Variants in MEDAG observed in about 807,000 individuals in gnomAD.
MEDAG encodes mesenteric estrogen dependent adipogenesis, also known as mesenteric estrogen-dependent adipogenesis protein.
A neutral mutation model predicts 29.9 loss-of-function variants in MEDAG; 25 were observed. The observed-to-expected ratio is 0.84, with a 90% CI of 0.61 to 1.17. The LOEUF is 1.17. Ranked by LOEUF, MEDAG falls within the 50% of genes most tolerant of loss-of-function variation. The pLI is 0.00. For missense variants in MEDAG, 398 were observed against 372.9 expected, an observed-to-expected ratio of 1.07 and a Z score of -0.56; for synonymous variants, 158 against 148.2, an observed-to-expected ratio of 1.07 and a Z score of -0.48.
At chr13:30,922,144 TG>T (rs1952994137) in intron 4 of MEDAG, 1 of 214,648 alleles carries the variant, frequency 4.7e-6, no homozygotes, top group African/African-American at 2.3e-5. Context: ...TAAATATTAT[TG>T]GCAATCATAT....
rs759414279 is a variant in MEDAG, at chr13:30,921,562, T to A, written c.503T>A (p.Phe168Tyr). The change falls in exon 4 of 5, where the codon TTT (phenylalanine) becomes TAT (tyrosine). Residue 168 changes from phenylalanine to tyrosine, a missense_variant and splice_region_variant. By Grantham distance (22) the Phe-to-Tyr change is conservative. Transcript: ENST00000380482. ...SVIGESYRLQ[F>Y]DFQEAVKNFF... is the part of the protein sequence containing the mutation. ...ATGCAATGTTCCTCTCTCTTTCAGT[T>A]TGATTTTCAAGAGGCAGTGAAGAAT... 7 of 1,601,176 alleles carry A rather than the reference T, an allele frequency of 4.4e-6. No individual in the cohort carries two copies. Among genetic ancestry groups the A allele is most frequent in the African/African-American group, 1.4e-5 (1 of 74,064 alleles).
intron 1 of MEDAG, among the ~76,000 whole-genome samples, chr13:30,910,444 T>C (rs557319702): frequency 6.6e-6 from 1 of 152,362 alleles, no homozygotes; most frequent in African/African-American, 2.4e-5. Context: ...TACTGTTGTT[T>C]CTCCTTTTTA....
At chr13:30,917,267 T>A in intron 1 of MEDAG, 136 bp from the exon 2 acceptor site, 1 of 674,260 alleles carries the variant, frequency 1.5e-6, no homozygotes, top group Non-Finnish European at 2.7e-6. Context: ...GTTTATATGG[T>A]GACCTCTGTA....
chr13:30,921,134 T>C lies in MEDAG; in HGVS notation c.501+8T>C. 1.0e-5 allele frequency: 16 copies of C among 1,606,732 alleles called. No individual in the cohort carries two copies. The highest frequency in any genetic ancestry group is 4.5e-5 in the East Asian group (2 of 44,842). On this transcript the variant is annotated splice_region_variant and intron_variant, in intron 3 of 4. Transcript: ENST00000380482. The stretch of plus-strand genomic sequence containing the variant: ...GAAAGTTACCGGCTTCAGGTAAGCC[T>C]AGCCTGTCTGAATCCAGGGCTGTCA...
In MEDAG at chr13:30,917,603, C is replaced by T. The variant is rs186294247; in HGVS notation, c.388+91C>T. The T allele has an allele frequency of 1.1e-3, 828 of 732,612 alleles. 1 individual carries two copies. The highest frequency in any genetic ancestry group is 1.8e-3 in the South Asian group (105 of 59,054). The allele number at this position is 732,612 out of a possible 1,614,324, so 45.4% of individuals were successfully genotyped here. A position where few individuals can be genotyped will look rare whatever the true frequency, so the allele number is the denominator to read the frequency against. On this transcript the variant is annotated intron_variant, in intron 2 of 4. Coordinates refer to ENST00000380482, the MANE Select transcript of MEDAG (RefSeq NM_032849.4). ...AAAGAAAAGAGGTTTAATTGGCTCA[C>T]GGTTCTGCAGGCTATACAGGCTTCT...
In MEDAG at chr13:30,924,353, C is replaced by T. The variant is rs992261307; in HGVS notation, c.830C>T (p.Ser277Leu). The T allele has an allele frequency of 6.2e-7, 1 of 1,613,964 alleles. No homozygotes were observed. The highest frequency in any genetic ancestry group is 1.3e-5 in the African/African-American group (1 of 75,024). ...DVFNCNLSPR[S>L]SLTEPLLAEL... ...TTTAACTGCAATCTGTCACCCAGAT[C>T]ATCTCTGACAGAGCCTCTTTTGGCA... Residue 277 changes from serine to leucine, a missense_variant, in exon 5 of 5, where the codon TCA (serine) becomes TTA (leucine). Transcript: ENST00000380482.
At chr13:30,910,113 G>GCAC (rs1170983167) in intron 1 of MEDAG, among the ~76,000 whole-genome samples, 1 of 152,014 alleles carries the variant, frequency 6.6e-6, no homozygotes, top group Non-Finnish European at 1.5e-5. Context: ...CAGGACACGA[G>GCAC]ATGTGGGTAA....
At chr13:30,913,355 A>G (rs529593884) in intron 1 of MEDAG, among the ~76,000 whole-genome samples, 2 of 152,262 alleles carry the variant, frequency 1.3e-5, no homozygotes, top group South Asian at 4.1e-4. Flanking sequence ...TGCTAGGAGT[A>G]TAGGCATGCA....
At position 30,924,458 on chromosome 13, in the gene MEDAG, T is replaced by G; in HGVS notation, c.*23T>G. 6.2e-7 allele frequency: 1 copy of G among 1,612,256 alleles called. No individual in the cohort carries two copies. The highest frequency in any genetic ancestry group is 8.5e-7 in the Non-Finnish European group (1 of 1,179,080). ...TGATTGAACTGAACATTGTAGCAGT[T>G]GCTCCCGCACTCCAGGCCTGTGCTA... On this transcript the variant is annotated 3_prime_UTR_variant, in exon 5 of 5. Transcript: ENST00000380482.
chr13:30,915,168 C>A (rs750705832), intron 1 of MEDAG, among the ~76,000 whole-genome samples: 2 of 152,234 alleles, frequency 1.3e-5, no homozygotes, highest in East Asian at 1.9e-4. Flanking sequence ...ATCCTCACCC[C>A]CCACGTAACA....
intron 3 of MEDAG, 125 bp from the exon 4 acceptor site, chr13:30,921,436 T>C (rs997761776): frequency 1.9e-5 from 17 of 913,410 alleles, no homozygotes; most frequent in Admixed American, 3.0e-5. Flanking sequence ...AGTTTAAAAA[T>C]ATGTGTGAGA....
intron 2 of MEDAG, among the ~76,000 whole-genome samples, chr13:30,920,286 GT>G (rs1325252784): frequency 6.6e-6 from 1 of 152,164 alleles, no homozygotes; most frequent in African/African-American, 2.4e-5. Flanking sequence ...TAAGAGCCAA[GT>G]TGTGATTTGA....
chr13:30,914,649 C>T (rs1202064074), intron 1 of MEDAG, among the ~76,000 whole-genome samples: 1 of 152,186 alleles, frequency 6.6e-6, no homozygotes, highest in African/African-American at 2.4e-5. Flanking sequence ...TGCCAAATAC[C>T]TGCTCTTTGA....
At chr13:30,906,892 G>A in intron 1 of MEDAG, 99 bp downstream of exon 1, 1 of 1,232,964 alleles carries the variant, frequency 8.1e-7, no homozygotes, top group Non-Finnish European at 1.1e-6. Flanking sequence ...CTCGCTGCCT[G>A]CGACACCGCG....
Position 30,924,637 on chromosome 13 carries a change from A to C in MEDAG, c.*202A>C. ...GGCCCAGGGCAGCTGATTCCCCTAA[A>C]ACTTATGATTACCAGGATGGAAAGG... is the stretch of plus-strand genomic sequence containing the variant. On this transcript the variant is annotated 3_prime_UTR_variant, in exon 5 of 5. Transcript: ENST00000380482. The C allele has an allele frequency of 2.2e-6, 1 of 463,304 alleles. No individual in the cohort carries two copies. The highest frequency in any genetic ancestry group is 4.6e-5 in the South Asian group (1 of 21,650). 28.7% of individuals were successfully genotyped at this position (463,304 alleles called of 1,614,324 possible). A position where few individuals can be genotyped will look rare whatever the true frequency, so the allele number is the denominator to read the frequency against.
chr13:30,920,422 C>CA lies in MEDAG; in HGVS notation c.389-583dup, dbSNP rs973441549. Among the ~76,000 whole-genome samples, 64 of 148,800 alleles carry CA rather than the reference C, an allele frequency of 4.3e-4. 1 individual carries two copies. Among genetic ancestry groups the CA allele is most frequent in the East Asian group, 2.9e-3 (15 of 5,132 alleles). ...GCAACATAATGAAACCCTGTCTCTG[C>CA]AAAAAAAAATACAAAAATTAGCCAG... On this transcript the variant is annotated intron_variant, in intron 2 of 4. Transcript: ENST00000380482.
intron 3 of MEDAG, 65 bp from the exon 4 acceptor site, chr13:30,921,496 A>G: frequency 2.1e-6 from 3 of 1,432,126 alleles, no homozygotes; most frequent in Non-Finnish European, 2.8e-6. Context: ...GGCGGTTGTT[A>G]GTTCTACAAT....
At chr13:30,906,882 C>T (rs2138112187) in intron 1 of MEDAG, 89 bp downstream of exon 1, 1 of 1,310,684 alleles carries the variant, frequency 7.6e-7, no homozygotes, top group Non-Finnish European at 9.9e-7. Flanking sequence ...CTGGGCTGTC[C>T]TCGCTGCCTG....
At chr13:30,917,225 C>A (rs982539627) in intron 1 of MEDAG, among the ~76,000 whole-genome samples, 178 bp from the exon 2 acceptor site, 1 of 152,174 alleles carries the variant, frequency 6.6e-6, no homozygotes, top group African/African-American at 2.4e-5. Context: ...CACGCTGATC[C>A]TTGAGCCAAT....
Sources: gnomAD v4.1 joint callset for allele counts (sites outside exome capture counted in the v4.1 genomes callset) on GRCh38, gnomAD v4.1.1 for gene constraint, MANE v1.5 for transcripts, NCBI Gene and HGNC (gene_info 2026-07-23, HGNC 2026-07-21) for gene names.